TTC28: variants seen among roughly 807,000 people sequenced by gnomAD.
The protein encoded by TTC28 is tetratricopeptide repeat protein 28.
In TTC28, 61 loss-of-function variants were observed where a neutral mutation model predicts 198.0. The ratio of observed to expected loss-of-function variants is 0.31; its 90% CI spans 0.25 to 0.38. The LOEUF (loss-of-function observed/expected upper bound fraction) is 0.38, where lower values mean the gene tolerates loss of function less well. Among genes scored for constraint, TTC28 ranks in the 10% least tolerant of loss-of-function variants. The pLI, the probability that TTC28 is intolerant of heterozygous loss-of-function variation, is 1.00. For synonymous variants in TTC28, 1,171 were observed against 1,297.8 expected (o/e 0.90, Z 2.10); for missense variants, 2,678 against 3,164.0 (o/e 0.85, Z 3.69).
At chr22:28,583,098 C>T (rs941336609) in intron 2 of TTC28, among the ~76,000 whole-genome samples, 6 of 152,112 alleles carry the variant, frequency 3.9e-5, no homozygotes, top group Admixed American at 2.0e-4. Context: ...TGTTGCCTAG[C>T]GATCTCAATG....
At chr22:28,398,777 C>A (rs1042053580) in intron 2 of TTC28, among the ~76,000 whole-genome samples, 1 of 152,144 alleles carries the variant, frequency 6.6e-6, no homozygotes, top group African/African-American at 2.4e-5. Flanking sequence ...AACCTACCCC[C>A]CAAATAAGGT....
At chr22:28,316,388 C>T (rs1044749774) in intron 2 of TTC28, among the ~76,000 whole-genome samples, 10 of 152,098 alleles carry the variant, frequency 6.6e-5, no homozygotes, top group Admixed American at 2.6e-4. Context: ...ATGATGCATC[C>T]AACTTTTTCT....
rs185211018 is a variant in TTC28, at chr22:28,507,709, G to T, written c.381+121843C>A. Among the ~76,000 whole-genome samples the T allele has an allele frequency of 4.2e-4, 64 of 152,270 alleles. No homozygotes were observed. The East Asian group carries it at 0.012, about 28-fold the overall frequency. ...AGCCTATCAGACTAATAGCAGACCT[G>T]TTAGTGTAAACCCTATAAGCCAGAA... On this transcript the variant is annotated intron_variant, in intron 2 of 22. Coordinates refer to ENST00000397906, the MANE Select transcript of TTC28 (RefSeq NM_001145418.2).
At chr22:28,675,316 G>A (rs2145717910) in intron 1 of TTC28, among the ~76,000 whole-genome samples, 2 of 152,200 alleles carry the variant, frequency 1.3e-5, no homozygotes, top group Middle Eastern at 6.8e-3. Context: ...AAACATAGGG[G>A]TAAATCATAG....
chr22:28,182,322 G>A (rs1308891876), intron 5 of TTC28, among the ~76,000 whole-genome samples: 6 of 152,076 alleles, frequency 3.9e-5, no homozygotes, highest in African/African-American at 1.2e-4. Flanking sequence ...ATTTCGGTGG[G>A]CTATAAAACA....
At chr22:28,136,018 T>C (rs1256778981) in intron 6 of TTC28, among the ~76,000 whole-genome samples, 1 of 152,234 alleles carries the variant, frequency 6.6e-6, no homozygotes, top group East Asian at 1.9e-4. Context: ...TGCAGAATAA[T>C]ACTATTGTAA....
At chr22:28,169,190 T>C (rs1402825991) in intron 5 of TTC28, among the ~76,000 whole-genome samples, 2 of 152,112 alleles carry the variant, frequency 1.3e-5, no homozygotes, top group Admixed American at 6.5e-5. Flanking sequence ...CTGGAGAGGA[T>C]GTGGAGAAAT....
intron 5 of TTC28, among the ~76,000 whole-genome samples, chr22:28,279,203 A>T (rs746987647): frequency 2.0e-5 from 3 of 152,194 alleles, no homozygotes; most frequent in Non-Finnish European, 4.4e-5. Flanking sequence ...ATATCTATAC[A>T]TCTTTTCATC....
chr22:28,010,536 G>A (rs1480814524), intron 14 of TTC28, among the ~76,000 whole-genome samples: 1 of 152,188 alleles, frequency 6.6e-6, no homozygotes, highest in Admixed American at 6.5e-5. Flanking sequence ...CCTCCACCAA[G>A]CCGATTTCTG....
At chr22:28,128,562 G>T (rs1463036574) in intron 6 of TTC28, among the ~76,000 whole-genome samples, 3 of 152,016 alleles carry the variant, frequency 2.0e-5, no homozygotes, top group Non-Finnish European at 4.4e-5. Context: ...TTTTGAGACA[G>T]GGTTTTGTTC....
At chr22:28,567,250 A>G (rs1393642475) in intron 2 of TTC28, among the ~76,000 whole-genome samples, 1 of 146,870 alleles carries the variant, frequency 6.8e-6, no homozygotes, top group Non-Finnish European at 1.5e-5. Context: ...GTAGCCAGGC[A>G]TGGTAACACA....
chr22:28,063,333 G>A (rs966037194), intron 12 of TTC28, among the ~76,000 whole-genome samples: 2 of 152,150 alleles, frequency 1.3e-5, no homozygotes, highest in African/African-American at 2.4e-5. Context: ...GAACAGAATG[G>A]CTGTAGTTTA....
At chr22:28,151,142 T>A (rs894598655) in intron 6 of TTC28, among the ~76,000 whole-genome samples, 3 of 152,222 alleles carry the variant, frequency 2.0e-5, no homozygotes, top group Non-Finnish European at 4.4e-5. Context: ...AAGATAGAGC[T>A]GTTGTGTTTT....
chr22:28,400,778 A>G (rs1034578670), intron 2 of TTC28, among the ~76,000 whole-genome samples: 7 of 152,214 alleles, frequency 4.6e-5, no homozygotes, highest in African/African-American at 1.7e-4. Flanking sequence ...GATAGCCCAG[A>G]TGGTAACAGC....
At position 28,030,238 on chromosome 22, in the gene TTC28, T is replaced by G; in HGVS notation, c.4061A>C (p.Asn1354Thr). The G allele has an allele frequency of 6.4e-7, 1 of 1,551,692 alleles. No individual in the cohort carries two copies. The highest frequency in any genetic ancestry group is 8.7e-7 in the Non-Finnish European group (1 of 1,147,000). Reference sequence around the variant, plus strand: ...GCCCCACACTCACCTGTTAAACAGGTTATTGCGGCGAACCATCCGCAGAAA... The same window carrying G: ...GCCCCACACTCACCTGTTAAACAGGGTATTGCGGCGAACCATCCGCAGAAA... The part of the protein sequence containing the change: ...TGFLRMVRRN[N>T]LFNRSCQSMT... The change falls in exon 13 of 23, where the codon AAC (asparagine) becomes ACC (threonine). Residue 1354 changes from asparagine to threonine, a missense_variant. Asn to Thr is a moderately conservative substitution (Grantham distance 65). Coordinates refer to ENST00000397906, the MANE Select transcript of TTC28 (RefSeq NM_001145418.2).
intron 5 of TTC28, among the ~76,000 whole-genome samples, chr22:28,277,199 A>G (rs2044488766): frequency 6.6e-6 from 1 of 152,242 alleles, no homozygotes; most frequent in East Asian, 1.9e-4. Context: ...CTGCAGAAGA[A>G]TATGTATTAT....
intron 2 of TTC28, among the ~76,000 whole-genome samples, chr22:28,344,863 G>A (rs989622954): frequency 2.6e-5 from 4 of 152,106 alleles, no homozygotes; most frequent in Admixed American, 6.5e-5. Flanking sequence ...GAAAGGAGAG[G>A]ACTAATATGA....
chr22:28,214,059 G>A (rs1172949655), intron 5 of TTC28, among the ~76,000 whole-genome samples: 1 of 152,038 alleles, frequency 6.6e-6, no homozygotes, highest in Non-Finnish European at 1.5e-5. Flanking sequence ...AATGGTGCTG[G>A]GAAAACTGGC....
intron 2 of TTC28, among the ~76,000 whole-genome samples, chr22:28,537,448 T>C (rs1222087218): frequency 6.6e-6 from 1 of 151,862 alleles, no homozygotes; most frequent in African/African-American, 2.4e-5. Context: ...AAAAGATGAA[T>C]GGGTAGCCAT....
Sources: allele counts gnomAD v4.1 joint callset (sites outside exome capture counted in the v4.1 genomes callset), GRCh38; gene constraint gnomAD v4.1.1; transcripts MANE v1.5; gene names NCBI Gene and HGNC (gene_info 2026-07-23, HGNC 2026-07-21).